Variants in CNTNAP2 observed in about 807,000 individuals in gnomAD.
CNTNAP2 encodes contactin associated protein 2, also known as contactin-associated protein-like 2.
Under a neutral mutation model 155.2 loss-of-function variants are expected in CNTNAP2, and 98 were observed. That is an observed-to-expected ratio of 0.63 (90% CI 0.54 to 0.75). The LOEUF is 0.75. Among genes scored for constraint, CNTNAP2 ranks in the 30% least tolerant of loss-of-function variants. The pLI is 0.00. For synonymous variants in CNTNAP2, 651 were observed against 631.2 expected (o/e 1.03, Z -0.47); for missense variants, 1,727 against 1,688.1 (o/e 1.02, Z -0.40).
intron 1 of CNTNAP2, among the ~76,000 whole-genome samples, chr7:146,262,178 A>G (rs1799928634): frequency 6.6e-6 from 1 of 152,136 alleles, no homozygotes; most frequent in African/African-American, 2.4e-5. Flanking sequence ...GATAAACTCA[A>G]ACTAGTGGAT....
intron 1 of CNTNAP2, among the ~76,000 whole-genome samples, chr7:146,192,236 C>A (rs1012091832): frequency 6.6e-6 from 1 of 152,148 alleles, no homozygotes; most frequent in East Asian, 1.9e-4. Context: ...ATAGATTTTT[C>A]TCTTGACTTT....
At chr7:146,741,654 A>G (rs1246418490) in intron 1 of CNTNAP2, among the ~76,000 whole-genome samples, 3 of 152,218 alleles carry the variant, frequency 2.0e-5, no homozygotes, top group African/African-American at 7.2e-5. Flanking sequence ...ATTATGAGCA[A>G]CATGGCTGAT....
chr7:147,711,725 T>A (rs1796402942), intron 13 of CNTNAP2, among the ~76,000 whole-genome samples: 1 of 152,198 alleles, frequency 6.6e-6, no homozygotes, highest in African/African-American at 2.4e-5. Flanking sequence ...AGATTCCATT[T>A]TTAACACAGG....
chr7:146,711,552 G>C (rs966396244), intron 1 of CNTNAP2, among the ~76,000 whole-genome samples: 8 of 149,064 alleles, frequency 5.4e-5, no homozygotes, highest in Non-Finnish European at 1.2e-4. Flanking sequence ...TGAGTAGACT[G>C]ACCCTAGAAA....
At chr7:146,812,734 G>A (rs1038786576) in intron 2 of CNTNAP2, among the ~76,000 whole-genome samples, 3 of 152,136 alleles carry the variant, frequency 2.0e-5, no homozygotes, top group East Asian at 1.9e-4. Flanking sequence ...AGACAATGGG[G>A]AAAATATATC....
chr7:146,379,540 G>C (rs1795351474), intron 1 of CNTNAP2, among the ~76,000 whole-genome samples: 1 of 152,136 alleles, frequency 6.6e-6, no homozygotes, highest in African/African-American at 2.4e-5. Context: ...TCCATTCTCA[G>C]ACTCCTTGAG....
chr7:147,250,070 C>T (rs186718412), intron 8 of CNTNAP2, among the ~76,000 whole-genome samples: 1 of 152,272 alleles, frequency 6.6e-6, no homozygotes, highest in East Asian at 1.9e-4. Flanking sequence ...AATACCAGAC[C>T]ATAGCCTTCC....
intron 15 of CNTNAP2, among the ~76,000 whole-genome samples, chr7:148,110,824 C>A (rs1804333377): frequency 1.3e-5 from 2 of 152,084 alleles, no homozygotes. Context: ...AGACACCAGG[C>A]ACCAAAAAAT....
chr7:147,362,645 T>C (rs551034588), intron 9 of CNTNAP2, among the ~76,000 whole-genome samples: 13 of 152,320 alleles, frequency 8.5e-5, no homozygotes, highest in African/African-American at 3.1e-4. Flanking sequence ...CTATTCCTTA[T>C]GTTATCTTTA....
intron 1 of CNTNAP2, among the ~76,000 whole-genome samples, chr7:146,767,976 T>C (rs1223806911): frequency 1.3e-5 from 2 of 152,132 alleles, no homozygotes; most frequent in Non-Finnish European, 2.9e-5. Flanking sequence ...GTATTAATTA[T>C]ACAAAGTTAA....
At chr7:147,190,675 T>G (rs1802662583) in intron 8 of CNTNAP2, among the ~76,000 whole-genome samples, 1 of 152,210 alleles carries the variant, frequency 6.6e-6, no homozygotes, top group South Asian at 2.1e-4. Context: ...TTAATTATAA[T>G]CATTTTGCAT....
chr7:146,614,155 G>C, intron 1 of CNTNAP2, among the ~76,000 whole-genome samples: 1 of 152,124 alleles, frequency 6.6e-6, no homozygotes, highest in African/African-American at 2.4e-5. Context: ...GGTTTTACTA[G>C]AGTTAACCTT....
chr7:147,947,586 G>C (rs796756831), intron 14 of CNTNAP2, among the ~76,000 whole-genome samples: 9 of 151,896 alleles, frequency 5.9e-5, no homozygotes, highest in African/African-American at 1.9e-4. Context: ...AGCTATGATC[G>C]CTCAACTGCA....
At chr7:146,269,964 T>G (rs1400510386) in intron 1 of CNTNAP2, among the ~76,000 whole-genome samples, 2 of 152,200 alleles carry the variant, frequency 1.3e-5, no homozygotes, top group Non-Finnish European at 2.9e-5. Flanking sequence ...CTGTCTTTGT[T>G]AAACATGGGA....
chr7:146,956,328 A>G (rs1260993786), intron 3 of CNTNAP2, among the ~76,000 whole-genome samples: 2 of 152,092 alleles, frequency 1.3e-5, no homozygotes, highest in Non-Finnish European at 2.9e-5. Flanking sequence ...CCCTTTTTCA[A>G]AAAAGCCATC....
At chr7:146,662,476 T>C (rs555678217) in intron 1 of CNTNAP2, among the ~76,000 whole-genome samples, 4 of 152,254 alleles carry the variant, frequency 2.6e-5, no homozygotes, top group African/African-American at 9.6e-5. Flanking sequence ...GTTTGTTTTC[T>C]ATTATTGAGT....
intron 1 of CNTNAP2, among the ~76,000 whole-genome samples, chr7:146,506,332 G>A (rs1382923613): frequency 2.6e-5 from 4 of 152,188 alleles, no homozygotes. Flanking sequence ...TCTCTGTCTG[G>A]GGTATGTCTG....
At chr7:147,234,334 C>CTTT (rs1225048153) in intron 8 of CNTNAP2, among the ~76,000 whole-genome samples, 16,825 of 107,332 alleles carry the variant, frequency 0.16, 2,068 homozygotes, top group African/African-American at 0.21. Flanking sequence ...CAAGAGTATT[C>CTTT]TTTTTTTTTT....
At chr7:146,831,669 CAAAAAA>C (rs531970313) in intron 2 of CNTNAP2, among the ~76,000 whole-genome samples, 13 of 16,802 alleles carry the variant, frequency 7.7e-4, no homozygotes, top group South Asian at 5.2e-3. Flanking sequence ...AGCAAGACGC[CAAAAAA>C]AAAAAAAAAA....
Sources: gnomAD v4.1 joint callset for allele counts (sites outside exome capture counted in the v4.1 genomes callset) on GRCh38, gnomAD v4.1.1 for gene constraint, MANE v1.5 for transcripts, NCBI Gene and HGNC (gene_info 2026-07-23, HGNC 2026-07-21) for gene names.